SEC23A: variants seen among roughly 807,000 people sequenced by gnomAD.
SEC23A encodes SEC23 homolog A, COPII component, also known as protein transport protein Sec23A.
SEC23A carries 56 observed loss-of-function variants against 103.7 expected under a neutral mutation model. The ratio of observed to expected loss-of-function variants is 0.54; its 90% CI spans 0.44 to 0.67. The LOEUF (loss-of-function observed/expected upper bound fraction) is 0.67, where lower values mean the gene tolerates loss of function less well. SEC23A is among the 30% of genes least tolerant of loss of function. SEC23A has a pLI of 0.00. For synonymous variants in SEC23A, 281 were observed against 293.0 expected (o/e 0.96, Z 0.42); for missense variants, 784 against 936.4 (o/e 0.84, Z 2.12).
chr14:39,086,851 T>C (rs1396139536), intron 6 of SEC23A, 78 bp downstream of exon 6: 1 of 828,604 alleles, frequency 1.2e-6, no homozygotes, highest in Non-Finnish European at 2.1e-6. Flanking sequence ...ATAGTATCAC[T>C]GAATGCCTAT....
At chr14:39,079,278 A>C (rs1196730143) in intron 7 of SEC23A, among the ~76,000 whole-genome samples, 1 of 152,190 alleles carries the variant, frequency 6.6e-6, no homozygotes, top group African/African-American at 2.4e-5. Context: ...CGTATGATCC[A>C]AAGGAAGTGA....
At chr14:39,086,402 G>T (rs1009677227) in intron 6 of SEC23A, among the ~76,000 whole-genome samples, 1 of 152,168 alleles carries the variant, frequency 6.6e-6, no homozygotes, top group African/African-American at 2.4e-5. Flanking sequence ...ACTTTGGGAG[G>T]CCGAGGAGGG....
intron 7 of SEC23A, among the ~76,000 whole-genome samples, chr14:39,078,643 A>G (rs1170102122): frequency 6.6e-6 from 1 of 152,212 alleles, no homozygotes; most frequent in Non-Finnish European, 1.5e-5. Context: ...ACATGTTACA[A>G]TGGATATCAC....
intron 11 of SEC23A, chr14:39,064,657 A>G (rs935095972): frequency 2.6e-5 from 12 of 468,606 alleles, no homozygotes; most frequent in Non-Finnish European, 3.1e-5. Context: ...AACAATCAAT[A>G]TAAGAATTTT....
chr14:39,083,172 T>C (rs1021571863), intron 7 of SEC23A, among the ~76,000 whole-genome samples: 1 of 152,218 alleles, frequency 6.6e-6, no homozygotes, highest in Admixed American at 6.5e-5. Flanking sequence ...AAGTAAGTCT[T>C]GGGACCCCAA....
Position 39,059,278 on chromosome 14 carries a change from T to TAAAAAAAAAAAA in SEC23A, c.1505+2475_1505+2486dup, listed in dbSNP as rs750853379. Among the ~76,000 whole-genome samples, 128 of 71,800 alleles carry TAAAAAAAAAAAA rather than the reference T, an allele frequency of 1.8e-3. 10 individuals are homozygous for TAAAAAAAAAAAA. The highest frequency in any genetic ancestry group is 2.7e-3 in the African/African-American group (52 of 19,492). The allele number at this position is 71,800 out of a possible 152,430, so 47.1% of individuals were successfully genotyped here. Reference sequence around the variant, plus strand: ...GGCCCCTAAAGTCATAGTCCTAGTTTAAAAAAAAAAAAAAAAAAAAAAAAA... The same window carrying TAAAAAAAAAAAA: ...GGCCCCTAAAGTCATAGTCCTAGTTTAAAAAAAAAAAAAAAAAAAAAAAAAAAAAAAAAAAAA... On this transcript the variant is annotated intron_variant, in intron 13 of 19. Coordinates refer to ENST00000307712, the MANE Select transcript of SEC23A (RefSeq NM_006364.4).
rs952078830 is a variant in SEC23A, at chr14:39,049,093, C to A, written c.1660-364G>T. Reference sequence around the variant, plus strand: ...CAGTGACTGACGCCTGTAATTCCAGCACTTTGGGAGGCCAAGGTGGGAAGA... The same window carrying A: ...CAGTGACTGACGCCTGTAATTCCAGAACTTTGGGAGGCCAAGGTGGGAAGA... On this transcript the variant is annotated intron_variant, in intron 14 of 19. Transcript: ENST00000307712. Among the ~76,000 whole-genome samples the A allele has an allele frequency of 7.9e-5, 12 of 151,918 alleles. No homozygotes were observed. In the East Asian group the frequency reaches 2.3e-3, roughly 29 times the overall value.
Position 39,096,111 on chromosome 14 carries a change from G to A in SEC23A, c.8C>T (p.Thr3Ile). 1 of 1,609,400 alleles carries A rather than the reference G, an allele frequency of 6.2e-7. No homozygotes were observed. The highest frequency in any genetic ancestry group is 8.5e-7 in the Non-Finnish European group (1 of 1,175,800). MT[T>I]YLEFIQQNEE... The stretch of plus-strand genomic sequence containing the variant: ...ATTTTGTTGAATGAATTCCAAATAG[G>A]TTGTCATTGTGGAGTTTGATTCTTA... The change falls in exon 2 of 20, where the codon ACC becomes ATC. Residue 3 changes from threonine (T) to isoleucine (I), a missense_variant. Physicochemically the swap from Thr to Ile is moderately conservative, Grantham distance 89 (BLOSUM62 -1). Transcript: ENST00000307712.
Position 39,085,577 on chromosome 14 carries a change from C to T in SEC23A, c.828+185G>A, listed in dbSNP as rs57120608. On this transcript the variant is annotated intron_variant, in intron 7 of 19. Transcript: ENST00000307712. ...CACCCAGGTGGTATCGAAGGCAGAA[C>T]TGCTTGGTTGGTATGTGGGGGAAAA... Among the ~76,000 whole-genome samples, 19,847 of 151,976 alleles carry T rather than the reference C, an allele frequency of 0.13. 1,345 individuals carry two copies. The highest frequency in any genetic ancestry group is 0.18 in the Middle Eastern group (52 of 294).
intron 18 of SEC23A, chr14:39,039,905 A>G (rs1299182673): frequency 6.6e-6 from 1 of 152,188 alleles, no homozygotes; most frequent in African/African-American, 2.4e-5. Flanking sequence ...GGCATGCAGA[A>G]GTACTTTGCA....
chr14:39,085,965 A>G, intron 6 of SEC23A, 59 bp from the exon 7 acceptor site: 1 of 1,441,952 alleles, frequency 6.9e-7, no homozygotes. Flanking sequence ...AGAGTTCGAT[A>G]AACAAATTTC....
chr14:39,097,767 TC>T (rs1887937882), intron 1 of SEC23A, among the ~76,000 whole-genome samples: 1 of 152,050 alleles, frequency 6.6e-6, no homozygotes, highest in African/African-American at 2.4e-5. Flanking sequence ...TAAAGAGAAA[TC>T]CCAAGACTAA....
At chr14:39,045,522 GAAAAAAAATTTAAGAAAGAA>G (rs1885799290) in intron 15 of SEC23A, among the ~76,000 whole-genome samples, 198 bp from the exon 16 acceptor site, 2 of 150,844 alleles carry the variant, frequency 1.3e-5, no homozygotes, top group African/African-American at 2.4e-5. Flanking sequence ...AATTCCACAA[GAAAAAAAATTTAAGAAAGAA>G]AAAAAAAATT....
At chr14:39,071,283 A>T (rs1371251250) in intron 9 of SEC23A, among the ~76,000 whole-genome samples, 3 of 114,372 alleles carry the variant, frequency 2.6e-5, no homozygotes, top group Non-Finnish European at 3.8e-5. Context: ...ACAAGGTTGC[A>T]GGGGGTAAAA....
chr14:39,059,278 TAAAA>T lies in SEC23A; in HGVS notation c.1505+2483_1505+2486del, dbSNP rs750853379. Among the ~76,000 whole-genome samples the T allele has an allele frequency of 1.2e-3, 84 of 71,808 alleles. 1 individual carries two copies. The highest frequency in any genetic ancestry group is 3.9e-3 in the African/African-American group (76 of 19,478). 47.1% of individuals were successfully genotyped at this position (71,808 alleles called of 152,430 possible). On this transcript the variant is annotated intron_variant, in intron 13 of 19. Transcript: ENST00000307712. ...GGCCCCTAAAGTCATAGTCCTAGTTTAAAAAAAAAAAAAAAAAAAAAAAAAAAAA... is the reference window on the plus strand; with the variant it reads ...GGCCCCTAAAGTCATAGTCCTAGTTTAAAAAAAAAAAAAAAAAAAAAAAAA...
intron 17 of SEC23A, among the ~76,000 whole-genome samples, chr14:39,041,967 TG>T (rs1885664421): frequency 6.6e-6 from 1 of 152,202 alleles, no homozygotes; most frequent in Non-Finnish European, 1.5e-5. Flanking sequence ...AAAATTTTTT[TG>T]TAGAGACAGG....
intron 15 of SEC23A, among the ~76,000 whole-genome samples, chr14:39,046,536 C>CCCGGG (rs1172496284): frequency 6.6e-6 from 1 of 151,980 alleles, no homozygotes; most frequent in African/African-American, 2.4e-5. Context: ...CCGGGTATGT[C>CCCGGG]TATTAGCAAC....
At chr14:39,064,358 T>G (rs902270070) in intron 11 of SEC23A, among the ~76,000 whole-genome samples, 1 of 152,210 alleles carries the variant, frequency 6.6e-6, no homozygotes, top group African/African-American at 2.4e-5. Flanking sequence ...AAAAAGAACA[T>G]AAAGAACTGA....
intron 10 of SEC23A, among the ~76,000 whole-genome samples, chr14:39,065,531 G>A (rs1310623080): frequency 6.6e-6 from 1 of 152,072 alleles, no homozygotes; most frequent in Non-Finnish European, 1.5e-5. Flanking sequence ...GCCTACACAT[G>A]TGTCTCCACA....
Sources: gnomAD v4.1 joint callset for allele counts (sites outside exome capture counted in the v4.1 genomes callset) on GRCh38, gnomAD v4.1.1 for gene constraint, MANE v1.5 for transcripts, NCBI Gene and HGNC (gene_info 2026-07-23, HGNC 2026-07-21) for gene names.